Variants in PAN3 observed in about 807,000 individuals in gnomAD.
PAN3 encodes the protein PAN2-PAN3 deadenylation complex subunit PAN3.
In PAN3, 19 loss-of-function variants were observed where a neutral mutation model predicts 96.2. The ratio of observed to expected loss-of-function variants is 0.20; its 90% confidence interval spans 0.14 to 0.29. The LOEUF is 0.29. Ranked by LOEUF, PAN3 falls within the 10% of genes least tolerant of loss-of-function variation. The pLI, the probability that PAN3 is intolerant of heterozygous loss-of-function variation, is 1.00. For synonymous variants in PAN3, 433 were observed against 406.6 expected, an observed-to-expected ratio of 1.06 and a Z score of -0.78; for missense variants, 882 against 1,108.1, an observed-to-expected ratio of 0.80 and a Z score of 2.90.
At chr13:28,272,718 C>T (rs551814642) in intron 14 of PAN3, among the ~76,000 whole-genome samples, 43 of 152,086 alleles carry the variant, frequency 2.8e-4, no homozygotes, top group African/African-American at 9.9e-4. Flanking sequence ...TACAGGCATG[C>T]ACCACCATGC....
rs1356421855 is a variant in PAN3, at chr13:28,267,156, C to T, written c.1635C>T (p.His545=). ...VLVDMWKKIQ[H]SNIVTLREVF... ...TCGACATGTGGAAGAAAATTCAACA[C>T]TCAAATATCGTAACTTTGCGTGAAG... Residue 545 remains histidine, a synonymous_variant, in exon 11 of 19, where the codon CAC becomes CAT. Coordinates refer to ENST00000380958, the MANE Select transcript of PAN3 (RefSeq NM_175854.8). 9 of 1,613,104 alleles carry T rather than the reference C, an allele frequency of 5.6e-6. No individual in the cohort carries two copies. The East Asian group carries it at 2.0e-4, about 36-fold the overall frequency.
intron 1 of PAN3, among the ~76,000 whole-genome samples, chr13:28,141,130 A>G (rs141629044): frequency 2.3e-3 from 342 of 151,450 alleles, no homozygotes; most frequent in Middle Eastern, 0.01. Flanking sequence ...CAGCCTCCCA[A>G]GTAGCTGGGT....
chr13:28,244,427 C>T (rs1266312870), intron 6 of PAN3, among the ~76,000 whole-genome samples: 1 of 152,012 alleles, frequency 6.6e-6, no homozygotes, highest in Non-Finnish European at 1.5e-5. Context: ...ATCTATATAA[C>T]CATCTGTTTG....
intron 12 of PAN3, among the ~76,000 whole-genome samples, chr13:28,267,642 A>G (rs1254682338): frequency 6.6e-6 from 1 of 152,208 alleles, no homozygotes; most frequent in East Asian, 1.9e-4. Flanking sequence ...TCTCACAATC[A>G]TGGCAGAAGG....
chr13:28,142,980 G>T (rs559221889), intron 1 of PAN3, among the ~76,000 whole-genome samples: 3 of 152,314 alleles, frequency 2.0e-5, no homozygotes, highest in Non-Finnish European at 2.9e-5. Context: ...GGAGGTGGGT[G>T]CATGAGAAAA....
At position 28,288,029 on chromosome 13, in the gene PAN3, G is replaced by T. The variant is rs1314227810; in HGVS notation, c.2430G>T (p.Leu810=). ...PTWSETGDRY[L]LKLFRDHLFH... ...GGTCAGAGACTGGAGACCGTTATCT[G>T]TTGAAACTCTTTAGGGATCATCTTT... Residue 810 remains leucine (L), a synonymous_variant, in exon 18 of 19, where the codon CTG becomes CTT. Coordinates refer to ENST00000380958, the MANE Select transcript of PAN3 (RefSeq NM_175854.8). 6.2e-7 allele frequency: 1 copy of T among 1,613,710 alleles called. No individual in the cohort carries two copies. Among genetic ancestry groups the T allele is most frequent in the Admixed American group, 1.7e-5 (1 of 59,980 alleles).
rs1207229590 is a variant in PAN3 at position 28,293,454 on chromosome 13, C to T, written c.*932C>T. 11 of 107,268 alleles carry T rather than the reference C, an allele frequency of 1.0e-4. No homozygotes were observed. The highest frequency in any genetic ancestry group is 1.8e-5 in the Non-Finnish European group (1 of 56,232). The allele number at this position is 107,268 out of a possible 1,614,324, so 6.6% of individuals were successfully genotyped here. The stretch of plus-strand genomic sequence containing the variant: ...GGTTTATGAAGTTTTGCTCTTTGAA[C>T]CACAGCTTTATTATGGTCCTTTACA... On this transcript the variant is annotated 3_prime_UTR_variant, in exon 19 of 19. Coordinates refer to ENST00000380958, the MANE Select transcript of PAN3 (RefSeq NM_175854.8).
At chr13:28,188,160 A>G (rs1876732882) in intron 4 of PAN3, among the ~76,000 whole-genome samples, 1 of 152,238 alleles carries the variant, frequency 6.6e-6, no homozygotes, top group Non-Finnish European at 1.5e-5. Context: ...TCAGCAGCCT[A>G]TCTCCTGACA....
chr13:28,144,210 TG>T (rs368288565), intron 1 of PAN3, among the ~76,000 whole-genome samples: 1,701 of 139,496 alleles, frequency 0.012, 72 homozygotes, highest in African/African-American at 0.05. Flanking sequence ...TAAGTTTTTT[TG>T]TTTTTTTTTT....
At chr13:28,239,735 A>G (rs897836798) in intron 6 of PAN3, 1 of 1,158,452 alleles carries the variant, frequency 8.6e-7, no homozygotes, top group Admixed American at 2.3e-5. Context: ...GAGTTCAGCA[A>G]CTTTTAATTC....
intron 18 of PAN3, among the ~76,000 whole-genome samples, chr13:28,288,828 AT>A (rs756889416): frequency 4.8e-3 from 590 of 123,732 alleles, no homozygotes; most frequent in South Asian, 6.2e-3. Context: ...TTAACTATAG[AT>A]TTTTTTTTTT....
At chr13:28,194,488 A>G (rs1286508825) in intron 4 of PAN3, among the ~76,000 whole-genome samples, 3 of 87,442 alleles carry the variant, frequency 3.4e-5, no homozygotes, top group Non-Finnish European at 6.5e-5. Context: ...TTTTTTTTGT[A>G]GAGACGGAGT....
intron 1 of PAN3, among the ~76,000 whole-genome samples, chr13:28,140,213 GTGT>G (rs975267929): frequency 6.6e-6 from 1 of 152,156 alleles, no homozygotes; most frequent in Non-Finnish European, 1.5e-5. Flanking sequence ...GCCTCTCAGT[GTGT>G]TGTTATCTAT....
At chr13:28,210,604 CT>C (rs1329586466) in intron 5 of PAN3, among the ~76,000 whole-genome samples, 12 of 148,488 alleles carry the variant, frequency 8.1e-5, no homozygotes, top group Admixed American at 1.3e-4. Context: ...TCACTTTTAA[CT>C]TTTTTTTTTA....
chr13:28,210,053 GA>G (rs1204518018), intron 5 of PAN3, among the ~76,000 whole-genome samples: 1 of 152,126 alleles, frequency 6.6e-6, no homozygotes, highest in African/African-American at 2.4e-5. Context: ...TAAAGTAGTA[GA>G]ATGACAAGTG....
intron 4 of PAN3, among the ~76,000 whole-genome samples, chr13:28,195,520 T>C (rs1877945276): frequency 6.6e-6 from 1 of 152,188 alleles, no homozygotes; most frequent in African/African-American, 2.4e-5. Context: ...TTTTTGTTAT[T>C]GTTGTTTTTT....
At chr13:28,247,237 T>G (rs952764875) in intron 6 of PAN3, among the ~76,000 whole-genome samples, 1 of 152,166 alleles carries the variant, frequency 6.6e-6, no homozygotes, top group Non-Finnish European at 1.5e-5. Context: ...TCGGTCCTGA[T>G]CTTTTGCCTA....
chr13:28,243,876 C>T (rs760526228), intron 6 of PAN3, among the ~76,000 whole-genome samples: 100 of 152,056 alleles, frequency 6.6e-4, no homozygotes, highest in Non-Finnish European at 1.1e-3. Flanking sequence ...TTTAGTAGAG[C>T]GGTATTTCAC....
At chr13:28,200,205 CT>C (rs1234749080) in intron 5 of PAN3, among the ~76,000 whole-genome samples, 1 of 152,180 alleles carries the variant, frequency 6.6e-6, no homozygotes, top group African/African-American at 2.4e-5. Flanking sequence ...TGCAGGACAG[CT>C]TTTGAGGATG....
Sources: allele counts gnomAD v4.1 joint callset (sites outside exome capture counted in the v4.1 genomes callset), GRCh38; gene constraint gnomAD v4.1.1; transcripts MANE v1.5; gene names NCBI Gene and HGNC (gene_info 2026-07-23, HGNC 2026-07-21).